The following GLIPR1 variants were observed in gnomAD, a reference collection of about 807,000 sequenced individuals.
GLIPR1 encodes the protein glioma pathogenesis-related protein 1.
GLIPR1 carries 38 observed loss-of-function variants against 30.3 expected under a neutral mutation model. The observed-to-expected ratio is 1.26, with a 90% CI of 0.97 to 1.65. The LOEUF is 1.65. GLIPR1 is among the 40% of genes most tolerant of loss of function. The probability of loss-of-function intolerance (pLI) is 0.00; values close to 1 mark genes in which losing one functional copy is unlikely to be tolerated. For missense variants in GLIPR1, 285 were observed against 326.5 expected (o/e 0.87, Z 0.98); for synonymous variants, 122 against 110.6 (o/e 1.10, Z -0.65).
Position 75,499,732 on chromosome 12 carries a change from A to AAAT in GLIPR1, c.*757_*759dup. ...AAAAAGCCCTCAGAAAATTTCTCAC[A>AAAT]AATAAGGCAACTAATGCCTGATATC... On this transcript the variant is annotated 3_prime_UTR_variant, in exon 6 of 6. Transcript: ENST00000266659. The AAAT allele has an allele frequency of 8.4e-7, 1 of 1,192,486 alleles. No individual in the cohort carries two copies. The highest frequency in any genetic ancestry group is 1.1e-6 in the Non-Finnish European group (1 of 871,118). 73.9% of individuals were successfully genotyped at this position (1,192,486 alleles called of 1,614,324 possible).
At chr12:75,486,331 A>T (rs944568505) in intron 2 of GLIPR1, among the ~76,000 whole-genome samples, 1 of 152,208 alleles carries the variant, frequency 6.6e-6, no homozygotes, top group African/African-American at 2.4e-5. Context: ...AAAAAAATTA[A>T]AGTGTTAAGA....
chr12:75,485,047 ATCT>A (rs970517130), intron 2 of GLIPR1, among the ~76,000 whole-genome samples: 1 of 152,218 alleles, frequency 6.6e-6, no homozygotes, highest in African/African-American at 2.4e-5. Context: ...ATGACAAGAA[ATCT>A]TCCTGGGGGA....
In GLIPR1 at chr12:75,499,199, T is replaced by C. The variant is rs2046372865; in HGVS notation, c.*221T>C. ...TTGCAGGTTGCCACAGGTGGACTTT[T>C]AGTAAGTAACCTAACCCATGTTTCA... On this transcript the variant is annotated 3_prime_UTR_variant, in exon 6 of 6. Transcript: ENST00000266659. 5.3e-6 allele frequency: 2 copies of C among 375,858 alleles called. No individual in the cohort carries two copies. The highest frequency in any genetic ancestry group is 9.5e-6 in the Non-Finnish European group (2 of 211,526). The allele number at this position is 375,858 out of a possible 1,614,324, so 23.3% of individuals were successfully genotyped here.
rs1594065032 is a variant in GLIPR1 at position 75,499,887 on chromosome 12, C to CTTATTCTTTGCTTTCT, written c.*911_*926dup. On this transcript the variant is annotated 3_prime_UTR_variant, in exon 6 of 6. Transcript: ENST00000266659. ...CTTCAGCTGTAAGAGCTCCCAGTTT[C>CTTATTCTTTGCTTTCT]TTATTCTTTGCTTTCTTAACCTTTT... 11 of 1,609,694 alleles carry CTTATTCTTTGCTTTCT rather than the reference C, an allele frequency of 6.8e-6. No homozygotes were observed. Among genetic ancestry groups the CTTATTCTTTGCTTTCT allele is most frequent in the Non-Finnish European group, 9.3e-6 (11 of 1,178,100 alleles).
chr12:75,499,921 C>T lies in GLIPR1; in HGVS notation c.*943C>T. On this transcript the variant is annotated 3_prime_UTR_variant, in exon 6 of 6. Coordinates refer to ENST00000266659, the MANE Select transcript of GLIPR1 (RefSeq NM_006851.3). ...TGCTTTCTTAACCTTTTCCTTGATG[C>T]TGGCCACATCAATTTTAGTTTCAGT... The T allele has an allele frequency of 6.2e-7, 1 of 1,605,018 alleles. No homozygotes were observed. Among genetic ancestry groups the T allele is most frequent in the South Asian group, 1.1e-5 (1 of 89,254 alleles).
chr12:75,481,361 T>TC (rs1301325942), intron 1 of GLIPR1: 2 of 97,586 alleles, frequency 2.0e-5, no homozygotes, highest in Non-Finnish European at 4.0e-5. Flanking sequence ...GGTTTTCTTT[T>TC]TTTTTTTTTT....
Position 75,498,954 on chromosome 12 carries a change from C to T in GLIPR1, c.777C>T (p.Tyr259=), listed in dbSNP as rs1479808295. The part of the protein sequence containing the change: ...VIITILVQHK[Y]PNLVLLD ...TTACCATTTTGGTACAGCACAAGTA[C>T]CCTAATTTAGTTCTTTTGGACTAAT... is the stretch of plus-strand genomic sequence containing the variant. The change falls in exon 6 of 6, where the codon TAC becomes TAT. Residue 259 remains tyrosine (Y), a synonymous_variant. Coordinates refer to ENST00000266659, the MANE Select transcript of GLIPR1 (RefSeq NM_006851.3). 2 of 1,601,080 alleles carry T rather than the reference C, an allele frequency of 1.2e-6. No homozygotes were observed. Among genetic ancestry groups the T allele is most frequent in the Non-Finnish European group, 1.7e-6 (2 of 1,174,966 alleles).
At chr12:75,489,190 C>T (rs187233044) in intron 2 of GLIPR1, among the ~76,000 whole-genome samples, 2 of 152,234 alleles carry the variant, frequency 1.3e-5, no homozygotes, top group East Asian at 3.9e-4. Context: ...AAGAAAAGCA[C>T]CACTAAAGGT....
chr12:75,499,897 G>A lies in GLIPR1; in HGVS notation c.*919G>A. 1.2e-6 allele frequency: 2 copies of A among 1,607,668 alleles called. No individual in the cohort carries two copies. Among genetic ancestry groups the A allele is most frequent in the Non-Finnish European group, 8.5e-7 (1 of 1,177,104 alleles). On this transcript the variant is annotated 3_prime_UTR_variant, in exon 6 of 6. Transcript: ENST00000266659. ...AAGAGCTCCCAGTTTCTTATTCTTT[G>A]CTTTCTTAACCTTTTCCTTGATGCT...
At chr12:75,490,611 C>A in intron 3 of GLIPR1, 93 bp downstream of exon 3, 2 of 563,494 alleles carry the variant, frequency 3.5e-6, no homozygotes, top group Non-Finnish European at 6.2e-6. Context: ...CAGTATTCCT[C>A]TTCATTATAG....
intron 4 of GLIPR1, chr12:75,496,985 A>T (rs2046355648): frequency 6.6e-6 from 1 of 152,222 alleles, no homozygotes; most frequent in African/African-American, 2.4e-5. Context: ...GATAATATCA[A>T]GGTATCAATG....
At position 75,499,744 on chromosome 12, in the gene GLIPR1, T is replaced by A; in HGVS notation, c.*766T>A. 7.9e-7 allele frequency: 1 copy of A among 1,264,288 alleles called. No homozygotes were observed. The highest frequency in any genetic ancestry group is 1.1e-6 in the Non-Finnish European group (1 of 931,972). 78.3% of individuals were successfully genotyped at this position (1,264,288 alleles called of 1,614,324 possible). A position where few individuals can be genotyped will look rare whatever the true frequency, so the allele number is the denominator to read the frequency against. ...GAAAATTTCTCACAAATAAGGCAAC[T>A]AATGCCTGATATCTCAAAATCCTTT... is the stretch of plus-strand genomic sequence containing the variant. On this transcript the variant is annotated 3_prime_UTR_variant, in exon 6 of 6. Transcript: ENST00000266659.
At position 75,503,116 on chromosome 12, in the gene GLIPR1, T is replaced by A. The variant is rs1414604503; in HGVS notation, c.*4138T>A. 1.3e-5 allele frequency: 2 copies of A among 152,038 alleles called. No individual in the cohort carries two copies. Among genetic ancestry groups the A allele is most frequent in the Admixed American group, 1.3e-4 (2 of 15,198 alleles). The allele number at this position is 152,038 out of a possible 1,614,324, so 9.4% of individuals were successfully genotyped here. On this transcript the variant is annotated 3_prime_UTR_variant, in exon 6 of 6. Transcript: ENST00000266659. ...CCCAGGAGACAGGTGAAGATGGAAT[T>A]CAAAGAACACATAGAAGAGGCTGAT...
chr12:75,481,929 C>T lies in GLIPR1; in HGVS notation c.270C>T (p.His90=), dbSNP rs116107307. ...NTRLKPPHKL[H]PNFTSLGENI... Reference sequence around the variant, plus strand: ...GGCTGAAGCCACCCCACAAGCTGCACCCAAACTTCACTTCACTGGGAGAGA... The same window carrying T: ...GGCTGAAGCCACCCCACAAGCTGCATCCAAACTTCACTTCACTGGGAGAGA... The change falls in exon 2 of 6, where the codon CAC becomes CAT. Residue 90 remains histidine, a synonymous_variant. Transcript: ENST00000266659. 6.3e-4 allele frequency: 1,024 copies of T among 1,614,140 alleles called. 3 individuals are homozygous for T. The African/African-American group carries it at 0.012, about 18-fold the overall frequency.
intron 3 of GLIPR1, 109 bp from the exon 4 acceptor site, chr12:75,495,468 C>T (rs2046344558): frequency 1.5e-6 from 1 of 646,326 alleles, no homozygotes. Flanking sequence ...CTCTCTGGAC[C>T]TTTGTACTTC....
At chr12:75,485,608 T>G (rs1240511919) in intron 2 of GLIPR1, among the ~76,000 whole-genome samples, 1 of 150,260 alleles carries the variant, frequency 6.7e-6, no homozygotes, top group Non-Finnish European at 1.5e-5. Flanking sequence ...TGGAGTGCAG[T>G]GGCGGGATCT....
chr12:75,492,495 T>C (rs1257980967), intron 3 of GLIPR1: 1 of 152,224 alleles, frequency 6.6e-6, no homozygotes, highest in Non-Finnish European at 1.5e-5. Flanking sequence ...GACCCATCAC[T>C]TAGAGTAGCT....
intron 3 of GLIPR1, chr12:75,492,115 C>G (rs1294013727): frequency 7.2e-6 from 1 of 139,242 alleles, no homozygotes. Context: ...GAGACAGGGT[C>G]TCTCACTCTG....
intron 1 of GLIPR1, 146 bp from the exon 2 acceptor site, chr12:75,481,688 G>A (rs1419490383): frequency 2.8e-6 from 2 of 707,026 alleles, no homozygotes; most frequent in Non-Finnish European, 4.9e-6. Flanking sequence ...GCCCTACTCA[G>A]TGCTTGAAGA....
Sources: gnomAD v4.1 joint callset for allele counts (sites outside exome capture counted in the v4.1 genomes callset) on GRCh38, gnomAD v4.1.1 for gene constraint, MANE v1.5 for transcripts, NCBI Gene and HGNC (gene_info 2026-07-23, HGNC 2026-07-21) for gene names.